The following MADD variants were observed in gnomAD, a reference collection of about 807,000 sequenced individuals.
The protein encoded by MADD is MAP kinase-activating death domain protein.
Under a neutral mutation model 176.7 loss-of-function variants are expected in MADD, and 109 were observed. The ratio of observed to expected loss-of-function variants is 0.62; its 90% CI spans 0.53 to 0.72. The LOEUF is 0.72. Among genes scored for constraint, MADD ranks in the 30% least tolerant of loss-of-function variants. MADD has a pLI of 0.00. For synonymous variants in MADD, 771 were observed against 771.3 expected, an observed-to-expected ratio of 1.00 and a Z score of 0.01; for missense variants, 1,914 against 2,045.5, an observed-to-expected ratio of 0.94 and a Z score of 1.24.
At chr11:47,292,022 C>A (rs1160945683) in intron 19 of MADD, among the ~76,000 whole-genome samples, 1 of 152,114 alleles carries the variant, frequency 6.6e-6, no homozygotes, top group East Asian at 1.9e-4. Flanking sequence ...TGCTAACTGC[C>A]TGCATGAATT....
intron 26 of MADD, among the ~76,000 whole-genome samples, chr11:47,314,932 T>C (rs1459815971): frequency 6.7e-6 from 1 of 149,680 alleles, no homozygotes; most frequent in Non-Finnish European, 1.5e-5. Context: ...TCATTAATTG[T>C]TTTTATAATT....
intron 27 of MADD, among the ~76,000 whole-genome samples, chr11:47,322,903 T>G (rs965723134): frequency 3.9e-5 from 6 of 152,046 alleles, no homozygotes; most frequent in African/African-American, 1.4e-4. Context: ...AGGCATGAGA[T>G]CTCCTCCAAA....
rs567970717 is a variant in MADD, at chr11:47,327,520, C to T, written c.4612+713C>T. 1.1e-4 allele frequency: 106 copies of T among 985,420 alleles called. No individual in the cohort carries two copies. In the South Asian group the frequency reaches 1.1e-3, roughly 10 times the overall value. The allele number at this position is 985,420 out of a possible 1,614,324, so 61.0% of individuals were successfully genotyped here. On this transcript the variant is annotated intron_variant, in intron 31 of 32. Transcript: ENST00000402192. ...CCTGCCCTGGGTGGGTAGCTCCCATCGAACCAGCTCCTCACACTGCCAGCT... is the reference window on the plus strand; with the variant it reads ...CCTGCCCTGGGTGGGTAGCTCCCATTGAACCAGCTCCTCACACTGCCAGCT...
In MADD at chr11:47,280,994, G is replaced by A. The variant is rs112882171; in HGVS notation, c.1291-581G>A. Among the ~76,000 whole-genome samples, 993 of 152,318 alleles carry A rather than the reference G, an allele frequency of 6.5e-3. 16 individuals carry two copies. Among genetic ancestry groups the A allele is most frequent in the African/African-American group, 0.022 (927 of 41,564 alleles). ...TAGCATCACTCGGGCTTGTTAAAGT[G>A]CAGGATCACTCCAGGCATATTGAAT... On this transcript the variant is annotated intron_variant, in intron 7 of 32. Transcript: ENST00000402192.
exon 33 of MADD, chr11:47,329,109 G>A: frequency 6.2e-7 from 1 of 1,614,196 alleles, no homozygotes; most frequent in Non-Finnish European, 8.5e-7. Flanking sequence ...TCATAGCAGT[G>A]AGGAAGATCT....
intron 23 of MADD, 77 bp downstream of exon 25, chr11:47,308,776 T>C: frequency 1.6e-6 from 2 of 1,240,582 alleles, no homozygotes; most frequent in Non-Finnish European, 2.3e-6. Context: ...ACTGAACAAG[T>C]AGCTGGTTGT....
intron 6 of MADD, 86 bp from the exon 7 acceptor site, chr11:47,278,913 A>C (rs2053411412): frequency 1.9e-6 from 2 of 1,073,712 alleles, no homozygotes; most frequent in African/African-American, 3.2e-5. Context: ...AATAATGTAT[A>C]TACGTCCTCT....
intron 1 of MADD, 44 bp from the exon 2 acceptor site, chr11:47,273,783 T>G (rs1383088007): frequency 1.4e-6 from 1 of 720,840 alleles, no homozygotes; most frequent in African/African-American, 1.7e-5. Flanking sequence ...GATGAGTCCC[T>G]TAGGCACAGC....
At chr11:47,326,590 T>G in intron 30 of MADD, 38 bp downstream of exon 34, 1 of 1,437,946 alleles carries the variant, frequency 7.0e-7, no homozygotes. Flanking sequence ...TCTTAGCGCT[T>G]TTGAGTTGTG....
intron 19 of MADD, among the ~76,000 whole-genome samples, chr11:47,293,292 C>A (rs989767401): frequency 1.3e-5 from 2 of 151,126 alleles, no homozygotes; most frequent in African/African-American, 4.9e-5. Flanking sequence ...GACATTTGTT[C>A]GTGGAGCTTT....
At chr11:47,291,448 C>G (rs1000332059) in intron 19 of MADD, among the ~76,000 whole-genome samples, 6 of 152,138 alleles carry the variant, frequency 3.9e-5, no homozygotes, top group African/African-American at 1.2e-4. Flanking sequence ...TGGCTCACTC[C>G]CTGCTTGACC....
chr11:47,314,296 C>T (rs6485750), intron 26 of MADD, among the ~76,000 whole-genome samples: 5,589 of 151,700 alleles, frequency 0.037, 365 homozygotes, highest in African/African-American at 0.13. Context: ...GTCTCCAACT[C>T]CTGCCTGGGC....
rs1187237749 is a variant in MADD at position 47,275,929 on chromosome 11, G to A, written c.690G>A (p.Ser230=). ...CCATGTGGCGGATCTTTACTGGATC[G>A]CTGCTGGTAGAGGAGAAGTCAAGTG... is the stretch of plus-strand genomic sequence containing the variant. The change falls in exon 4 of 33, where the codon TCG becomes TCA. Residue 230 remains serine, a synonymous_variant. Coordinates refer to ENST00000402192, the Ensembl canonical transcript of MADD. The A allele has an allele frequency of 8.7e-6, 14 of 1,611,938 alleles. No individual in the cohort carries two copies. In the Admixed American group the frequency reaches 1.5e-4, roughly 17 times the overall value.
rs763359901 is a variant in MADD at position 47,295,517 on chromosome 11, A to G, written c.3424A>G (p.Ile1142Val). ...TCAGAGGACTGATCAAGACTCTGTC[A>G]TCGGCGTGAGTCCAGCTGTTATGAT... Residue 1142 changes from isoleucine to valine, a missense_variant, in exon 21 of 33, where the codon ATC (isoleucine) becomes GTC (valine). Physicochemically the swap from Ile to Val is conservative, Grantham distance 29 (BLOSUM62 3). Coordinates refer to ENST00000402192, the Ensembl canonical transcript of MADD. 9 of 1,614,126 alleles carry G rather than the reference A, an allele frequency of 5.6e-6. No individual in the cohort carries two copies. The South Asian group carries it at 8.8e-5, about 16-fold the overall frequency.
intron 27 of MADD, among the ~76,000 whole-genome samples, chr11:47,322,168 C>T (rs1401144937): frequency 6.6e-6 from 1 of 152,098 alleles, no homozygotes. Context: ...CCCCATCTTA[C>T]CTGTGAGGAA....
rs185713257 is a variant in MADD at position 47,282,378 on chromosome 11, C to G, written c.1470-3C>G. On this transcript the variant is annotated splice_polypyrimidine_tract_variant and splice_region_variant and intron_variant, in intron 8 of 32. Transcript: ENST00000402192. ...CAGATTATCTCATCATCTGCTTCCC[C>G]AGGGTTGCCATGGTACGGTTCTTCA... The G allele has an allele frequency of 2.2e-5, 36 of 1,613,114 alleles. No homozygotes were observed. The East Asian group carries it at 7.6e-4, about 34-fold the overall frequency.
At position 47,282,899 on chromosome 11, in the gene MADD, A is replaced by G. The variant is rs138087178; in HGVS notation, c.1792A>G (p.Asn598Asp). Reference sequence around the variant, plus strand: ...TATCCACTATCGCGTCTATGACAGCAATTCCCAGCTGGCTGAGGCCCTGAG... The same window carrying G: ...TATCCACTATCGCGTCTATGACAGCGATTCCCAGCTGGCTGAGGCCCTGAG... Residue 598 changes from asparagine (N) to aspartate (D), a missense_variant, in exon 10 of 33, where the codon AAT becomes GAT. Asn to Asp is a conservative substitution (Grantham distance 23). Around this residue, in one of 2 missense-constraint regions of MADD, gnomAD observed 1,767 missense variants for 1,836.0 expected, o/e 0.96. Transcript: ENST00000402192. The G allele has an allele frequency of 2.4e-3, 3,946 of 1,614,088 alleles. 9 individuals are homozygous for G. The highest frequency in any genetic ancestry group is 3.1e-3 in the Non-Finnish European group (3,627 of 1,180,022).
chr11:47,315,356 A>G, intron 27 of MADD, 29 bp downstream of exon 30: 1 of 1,416,040 alleles, frequency 7.1e-7, no homozygotes, highest in Non-Finnish European at 1.0e-6. Context: ...TGGGGGCCCA[A>G]AGGGCTATTG....
chr11:47,276,036 G>A (rs768055248), exon 4 of MADD: 9 of 1,614,064 alleles, frequency 5.6e-6, no homozygotes, highest in Middle Eastern at 1.6e-4. Context: ...GGGCAGAAGC[G>A]AGTAGACATC....
Sources: allele counts gnomAD v4.1 joint callset (sites outside exome capture counted in the v4.1 genomes callset), GRCh38; gene constraint gnomAD v4.1.1; regional missense constraint gnomAD v4.1.1; transcripts MANE v1.5; gene names NCBI Gene and HGNC (gene_info 2026-07-23, HGNC 2026-07-21).